NPIPB9: variants seen among roughly 807,000 people sequenced by gnomAD.
NPIPB9 encodes the protein nuclear pore complex-interacting protein family member B9.
NPIPB9 carries 1 observed loss-of-function variant against 5.6 expected under a neutral mutation model. That is an observed-to-expected ratio of 0.18 (90% confidence interval 0.06 to 0.84). The LOEUF (loss-of-function observed/expected upper bound fraction) is 0.84. Ranked by LOEUF, NPIPB9 falls within the 40% of genes least tolerant of loss-of-function variation. NPIPB9 has a pLI of 0.70. For synonymous variants in NPIPB9, 2 were observed against 12.5 expected, an observed-to-expected ratio of 0.16 and a Z score of 1.77; for missense variants, 3 against 39.1, an observed-to-expected ratio of 0.08 and a Z score of 2.46.
chr16:28,771,563 GA>G, intron 7 of NPIPB9: 2 of 74,152 alleles, frequency 2.7e-5, no homozygotes, highest in Non-Finnish European at 3.7e-5. Flanking sequence ...CAAGCTGTGT[GA>G]CCCTGGGCAC....
intron 1 of NPIPB9, among the ~76,000 whole-genome samples, chr16:28,756,291 G>A (rs3986681): frequency 8.1e-5 from 10 of 124,122 alleles, no homozygotes; most frequent in African/African-American, 2.3e-4. Flanking sequence ...TGCAACCTCC[G>A]CCTCCCGGGT....
At chr16:28,769,673 C>T (rs452823) in intron 5 of NPIPB9, 237,534 of 545,544 alleles carry the variant, frequency 0.44, 62,105 homozygotes, top group South Asian at 0.71. Flanking sequence ...TAGAAACAAA[C>T]GGTCAGAAGA....
chr16:28,760,314 A>T (rs1305391514), intron 2 of NPIPB9, among the ~76,000 whole-genome samples: 7 of 22,494 alleles, frequency 3.1e-4, no homozygotes, highest in East Asian at 4.2e-3. Flanking sequence ...CACCTTGGTA[A>T]TTTTTTTTTT....
chr16:28,765,131 G>T (rs1408204979), intron 3 of NPIPB9, among the ~76,000 whole-genome samples: 17 of 42,084 alleles, frequency 4.0e-4, no homozygotes, highest in South Asian at 1.4e-3. Flanking sequence ...TTGAGACGGA[G>T]TCTCACTCTG....
chr16:28,765,774 T>A (rs1430247922), intron 3 of NPIPB9, among the ~76,000 whole-genome samples: 3,515 of 77,098 alleles, frequency 0.046, 4 homozygotes, highest in Middle Eastern at 0.081. Flanking sequence ...TGTGTGTGTG[T>A]GACAGAGTCT....
At position 28,761,963 on chromosome 16, in the gene NPIPB9, C is replaced by T. The variant is rs1485929120; in HGVS notation, c.112-288C>T. 9.3e-5 allele frequency among the ~76,000 whole-genome samples: 3 copies of T among 32,314 alleles called. No homozygotes were observed. In the East Asian group the frequency reaches 1.5e-3, roughly 16 times the overall value. 21.2% of individuals were successfully genotyped at this position (32,314 alleles called of 152,430 possible). ...GTATGTTATGTGTGGCTCAAGACAA[C>T]TTTGTTTCTTTTAATATAGGCAGGG... On this transcript the variant is annotated intron_variant, in intron 2 of 7. Coordinates refer to ENST00000550983, the Ensembl canonical transcript of NPIPB9.
intron 3 of NPIPB9, among the ~76,000 whole-genome samples, chr16:28,765,376 AT>A (rs1246270144): frequency 3.6e-5 from 1 of 28,156 alleles, no homozygotes; most frequent in Admixed American, 3.3e-4. Context: ...TGCTGGGATT[AT>A]AGGCGTGAGC....
rs1420491715 is a variant in NPIPB9, at chr16:28,765,723, G to T, written c.295-359G>T. On this transcript the variant is annotated intron_variant, in intron 3 of 7. Transcript: ENST00000550983. ...ACCGTGCCAGCCTCATGTCATTCTTGTGTGTGTGTGTGTGTGTGTGTGTGT... is the reference window on the plus strand; with the variant it reads ...ACCGTGCCAGCCTCATGTCATTCTTTTGTGTGTGTGTGTGTGTGTGTGTGT... Among the ~76,000 whole-genome samples the T allele has an allele frequency of 4.3e-3, 30 of 6,912 alleles. 3 individuals carry two copies. Among genetic ancestry groups the T allele is most frequent in the Admixed American group, 0.017 (7 of 418 alleles). The allele number at this position is 6,912 out of a possible 152,430, so 4.5% of individuals were successfully genotyped here.
At chr16:28,753,414 G>A (rs1329402383) in intron 1 of NPIPB9, among the ~76,000 whole-genome samples, 1 of 43,164 alleles carries the variant, frequency 2.3e-5, no homozygotes, top group African/African-American at 1.0e-4. Flanking sequence ...AAGTCCAATG[G>A]TAATAATTAA....
chr16:28,752,623 G>A lies in NPIPB9; in HGVS notation c.25+31G>A. The A allele has an allele frequency of 3.9e-6, 5 of 1,295,874 alleles. 1 individual carries two copies. The highest frequency in any genetic ancestry group is 2.5e-5 in the South Asian group (2 of 78,894). The allele number at this position is 1,295,874 out of a possible 1,614,324, so 80.3% of individuals were successfully genotyped here. On this transcript the variant is annotated intron_variant, in intron 1 of 7. Coordinates refer to ENST00000550983, the Ensembl canonical transcript of NPIPB9. ...TGAGTGCAGACAGATGGGGCCTGGT[G>A]CCCTTGAGCAGTTCCCGGGTCTCAG...
chr16:28,759,363 C>A, intron 2 of NPIPB9, among the ~76,000 whole-genome samples: 1 of 87,994 alleles, frequency 1.1e-5, no homozygotes, highest in Non-Finnish European at 2.4e-5. Flanking sequence ...GGATAGTCTC[C>A]ATCTCTTGAC....
chr16:28,769,767 G>A (rs1347824901), intron 5 of NPIPB9, among the ~76,000 whole-genome samples: 4 of 148,266 alleles, frequency 2.7e-5, no homozygotes, highest in Non-Finnish European at 1.5e-5. Context: ...AAGATGTGAA[G>A]TAGCAAAACG....
intron 3 of NPIPB9, among the ~76,000 whole-genome samples, chr16:28,765,720 C>CTT (rs1481496654): frequency 2.8e-5 from 1 of 35,484 alleles, no homozygotes; most frequent in Admixed American, 3.9e-4. Context: ...TCATGTCATT[C>CTT]TTGTGTGTGT....
intron 1 of NPIPB9, among the ~76,000 whole-genome samples, chr16:28,754,880 G>A (rs547154402): frequency 4.3e-5 from 6 of 140,452 alleles, no homozygotes; most frequent in African/African-American, 5.2e-5. Context: ...CAGTTTGGTC[G>A]GATGTAATCA....
At chr16:28,765,349 G>A (rs1188112111) in intron 3 of NPIPB9, among the ~76,000 whole-genome samples, 2 of 25,478 alleles carry the variant, frequency 7.8e-5, no homozygotes, top group Admixed American at 4.1e-4. Flanking sequence ...TGATTCACCC[G>A]CCTCAGCCTC....
At chr16:28,765,701 G>T (rs369098151) in intron 3 of NPIPB9, among the ~76,000 whole-genome samples, 1 of 56,064 alleles carries the variant, frequency 1.8e-5, no homozygotes, top group East Asian at 6.6e-4. Flanking sequence ...GTGAGCCACC[G>T]TGCCAGCCTC....
chr16:28,759,468 T>G (rs2151818429), intron 2 of NPIPB9, among the ~76,000 whole-genome samples: 1 of 62,954 alleles, frequency 1.6e-5, no homozygotes. Flanking sequence ...GTAAGTTTAC[T>G]AACTTTGGAA....
In NPIPB9 at chr16:28,752,593, G is replaced by T; in HGVS notation, c.25+1G>T. 3.7e-6 allele frequency: 5 copies of T among 1,335,852 alleles called. 1 individual carries two copies. The highest frequency in any genetic ancestry group is 4.1e-6 in the Non-Finnish European group (4 of 985,062). The allele number at this position is 1,335,852 out of a possible 1,614,324, so 82.7% of individuals were successfully genotyped here. A position where few individuals can be genotyped will look rare whatever the true frequency, so the allele number is the denominator to read the frequency against. On this transcript the variant is annotated splice_donor_variant, in intron 1 of 7. Transcript: ENST00000550983. LOFTEE classifies it high-confidence loss of function. ...ATGCCCATGCGAGTACCTGAGGAAGGTGAGTGAGTGCAGACAGATGGGGCC... is the reference window on the plus strand; with the variant it reads ...ATGCCCATGCGAGTACCTGAGGAAGTTGAGTGAGTGCAGACAGATGGGGCC...
intron 3 of NPIPB9, among the ~76,000 whole-genome samples, chr16:28,765,403 A>ATTT (rs1206825669): frequency 3.8e-4 from 13 of 34,220 alleles, no homozygotes; most frequent in African/African-American, 1.9e-3. Context: ...CACCTGGGCT[A>ATTT]TTTTTTTTTT....
Sources: gnomAD v4.1 joint callset for allele counts (sites outside exome capture counted in the v4.1 genomes callset) on GRCh38, gnomAD v4.1.1 for gene constraint, MANE v1.5 for transcripts, NCBI Gene and HGNC (gene_info 2026-07-23, HGNC 2026-07-21) for gene names.